The following RYR3 variants were observed in gnomAD, a reference collection of about 807,000 sequenced individuals.
RYR3 encodes ryanodine receptor 3.
A neutral mutation model predicts 584.3 loss-of-function variants in RYR3; 207 were observed. The observed-to-expected ratio is 0.35, with a 90% CI of 0.32 to 0.40. The LOEUF (loss-of-function observed/expected upper bound fraction) is 0.40. RYR3 is among the 10% of genes least tolerant of loss of function. The pLI is 1.00. For synonymous variants in RYR3, 2,416 were observed against 2,248.5 expected (o/e 1.07, Z -2.11); for missense variants, 5,616 against 6,089.2 (o/e 0.92, Z 2.59).
At position 33,865,437 on chromosome 15, in the gene RYR3, CGAAGAAG is replaced by C. The variant is rs562883766; in HGVS notation, c.*216_*222del. The C allele has an allele frequency of 3.8e-3, 1,871 of 495,546 alleles. 11 individuals are homozygous for C. Among genetic ancestry groups the C allele is most frequent in the Admixed American group, 6.1e-3 (167 of 27,466 alleles). The allele number at this position is 495,546 out of a possible 1,614,324, so 30.7% of individuals were successfully genotyped here. ...TGTGGGAGAGAACCTGTCAAAATGTCGAAGAAGGAAGGCGAAGAATCAAGTAATCTCT... is the reference window on the plus strand; with the variant it reads ...TGTGGGAGAGAACCTGTCAAAATGTCGAAGGCGAAGAATCAAGTAATCTCT... On this transcript the variant is annotated 3_prime_UTR_variant, in exon 104 of 104. Transcript: ENST00000634891.
At chr15:33,799,366 A>G (rs2075791875) in intron 67 of RYR3, among the ~76,000 whole-genome samples, 1 of 152,062 alleles carries the variant, frequency 6.6e-6, no homozygotes, top group African/African-American at 2.4e-5. Context: ...TGGGGAGAGG[A>G]GAGGGGCTGG....
chr15:33,695,791 A>T (rs1463605197), intron 38 of RYR3, among the ~76,000 whole-genome samples: 2 of 151,466 alleles, frequency 1.3e-5, no homozygotes, highest in Non-Finnish European at 2.9e-5. Context: ...ACAAAAAAAA[A>T]ATTTTTTTTT....
At chr15:33,779,617 T>C (rs1221545116) in intron 64 of RYR3, among the ~76,000 whole-genome samples, 1 of 152,090 alleles carries the variant, frequency 6.6e-6, no homozygotes, top group Non-Finnish European at 1.5e-5. Flanking sequence ...GAAGGATCCA[T>C]CTCAATTTGG....
At position 33,457,248 on chromosome 15, in the gene RYR3, G is replaced by T. The variant is rs183171047; in HGVS notation, c.52-16171G>T. Among the ~76,000 whole-genome samples, 208 of 152,286 alleles carry T rather than the reference G, an allele frequency of 1.4e-3. 1 individual carries two copies. The highest frequency in any genetic ancestry group is 4.6e-3 in the African/African-American group (190 of 41,568). On this transcript the variant is annotated intron_variant, in intron 1 of 103. Coordinates refer to ENST00000634891, the MANE Select transcript of RYR3 (RefSeq NM_001036.6). Reference sequence around the variant, plus strand: ...TGAGAAGGAAATGTGTTATTGTGGGGAGAGAGACCTTGATTCTTCTTGAAA... The same window carrying T: ...TGAGAAGGAAATGTGTTATTGTGGGTAGAGAGACCTTGATTCTTCTTGAAA...
rs1456508769 is a variant in RYR3 at position 33,662,368 on chromosome 15, T to C, written c.4838T>C (p.Ile1613Thr). Reference protein sequence around the residue: ...RSGFYDLLISIHLASAKERKL... With the variant: ...RSGFYDLLISTHLASAKERKL... ...GGTTTCTATGACCTGCTCATCAGCA[T>C]CCACCTGGCCAGCGCCAAGGAGAGG... Residue 1613 changes from isoleucine to threonine, a missense_variant, in exon 35 of 104, where the codon ATC (isoleucine) becomes ACC (threonine). This residue lies in a region of RYR3 where 753 missense variants were observed against 741.0 expected (regional missense o/e 1.02). Coordinates refer to ENST00000634891, the MANE Select transcript of RYR3 (RefSeq NM_001036.6). 2 of 1,613,160 alleles carry C rather than the reference T, an allele frequency of 1.2e-6. No individual in the cohort carries two copies. The highest frequency in any genetic ancestry group is 1.3e-5 in the African/African-American group (1 of 75,030).
intron 1 of RYR3, among the ~76,000 whole-genome samples, chr15:33,375,927 G>A (rs1208613213): frequency 6.6e-6 from 1 of 152,090 alleles, no homozygotes; most frequent in African/African-American, 2.4e-5. Context: ...AGCTGGGCGT[G>A]GTGGCGGGCG....
At chr15:33,809,102 G>T (rs959628563) in intron 70 of RYR3, among the ~76,000 whole-genome samples, 1 of 152,158 alleles carries the variant, frequency 6.6e-6, no homozygotes, top group African/African-American at 2.4e-5. Flanking sequence ...AATTTAAAGA[G>T]ATTAGTCCCA....
chr15:33,427,290 G>A (rs544100825), intron 1 of RYR3, among the ~76,000 whole-genome samples: 11 of 152,284 alleles, frequency 7.2e-5, no homozygotes, highest in Non-Finnish European at 1.2e-4. Flanking sequence ...ATGAATGGAT[G>A]TTAAGATATT....
intron 1 of RYR3, among the ~76,000 whole-genome samples, chr15:33,453,270 T>C (rs1002685023): frequency 1.3e-5 from 2 of 152,258 alleles, no homozygotes; most frequent in African/African-American, 4.8e-5. Context: ...ACTATTCAGA[T>C]GGCTTTTAGG....
chr15:33,622,787 A>C (rs1423110182), intron 19 of RYR3, among the ~76,000 whole-genome samples: 2 of 152,200 alleles, frequency 1.3e-5, no homozygotes, highest in Non-Finnish European at 1.5e-5. Context: ...GTATTTCCTC[A>C]TCAATTTAAT....
At chr15:33,382,514 G>A (rs2041273553) in intron 1 of RYR3, among the ~76,000 whole-genome samples, 1 of 151,534 alleles carries the variant, frequency 6.6e-6, no homozygotes, top group African/African-American at 2.4e-5. Flanking sequence ...GTAGAGACAG[G>A]GTTTCACCAT....
At chr15:33,713,433 G>T (rs2067262213) in intron 43 of RYR3, among the ~76,000 whole-genome samples, 2 of 151,920 alleles carry the variant, frequency 1.3e-5, no homozygotes, top group African/African-American at 4.8e-5. Flanking sequence ...GGTGATGATG[G>T]GATATGATGG....
At chr15:33,507,306 CT>C (rs2052566066) in intron 3 of RYR3, among the ~76,000 whole-genome samples, 2 of 152,196 alleles carry the variant, frequency 1.3e-5, no homozygotes, top group Admixed American at 6.5e-5. Flanking sequence ...ATGTCATTAG[CT>C]GCAGCCAGTA....
chr15:33,600,130 C>A (rs2059586990), intron 16 of RYR3, among the ~76,000 whole-genome samples: 1 of 152,166 alleles, frequency 6.6e-6, no homozygotes, highest in Non-Finnish European at 1.5e-5. Context: ...TGGTAAGAGT[C>A]CCCCATAAAA....
chr15:33,794,154 AAT>A (rs1431201612), intron 67 of RYR3, among the ~76,000 whole-genome samples: 2 of 79,862 alleles, frequency 2.5e-5, no homozygotes, highest in African/African-American at 3.2e-5. Context: ...ATAAATATAT[AAT>A]ATATAATATA....
intron 1 of RYR3, among the ~76,000 whole-genome samples, chr15:33,442,334 CTT>C (rs879593206): frequency 6.6e-6 from 1 of 152,150 alleles, no homozygotes; most frequent in Admixed American, 6.5e-5. Context: ...TGGTATCTCA[CTT>C]TGATGTTCTC....
intron 19 of RYR3, 52 bp from the exon 20 acceptor site, chr15:33,623,755 G>A (rs932506688): frequency 1.5e-6 from 2 of 1,293,460 alleles, no homozygotes; most frequent in Non-Finnish European, 1.1e-6. Flanking sequence ...ACTTATTTGG[G>A]CTGCATTGTT....
intron 11 of RYR3, among the ~76,000 whole-genome samples, chr15:33,565,300 C>T (rs1232146589): frequency 6.6e-6 from 1 of 152,168 alleles, no homozygotes; most frequent in East Asian, 1.9e-4. Context: ...CCAAATGCAA[C>T]ATTGCTAACC....
intron 25 of RYR3, among the ~76,000 whole-genome samples, chr15:33,635,275 C>G (rs1399711011): frequency 6.6e-6 from 1 of 152,134 alleles, no homozygotes; most frequent in Non-Finnish European, 1.5e-5. Flanking sequence ...TGTTCATGGG[C>G]TCTGTGATGT....
Sources: gnomAD v4.1 joint callset for allele counts (sites outside exome capture counted in the v4.1 genomes callset) on GRCh38, gnomAD v4.1.1 for gene constraint, gnomAD v4.1.1 regional missense constraint, MANE v1.5 for transcripts, NCBI Gene and HGNC (gene_info 2026-07-23, HGNC 2026-07-21) for gene names.